The following CSNK1G3 variants were observed in gnomAD, a reference collection of about 807,000 sequenced individuals.
The protein encoded by CSNK1G3 is casein kinase I isoform gamma-3.
In CSNK1G3, 23 loss-of-function variants were observed where a neutral mutation model predicts 64.3. The ratio of observed to expected loss-of-function variants is 0.36; its 90% CI spans 0.26 to 0.51. CSNK1G3 has a LOEUF of 0.51. CSNK1G3 is among the 20% of genes least tolerant of loss of function. The pLI, the probability that CSNK1G3 is intolerant of heterozygous loss-of-function variation, is 0.96. For missense variants in CSNK1G3, 357 were observed against 510.5 expected (o/e 0.70, Z 2.90); for synonymous variants, 158 against 162.2 (o/e 0.97, Z 0.20).
intron 1 of CSNK1G3, among the ~76,000 whole-genome samples, chr5:123,530,236 A>G (rs1779710892): frequency 6.6e-6 from 1 of 152,192 alleles, no homozygotes; most frequent in African/African-American, 2.4e-5. Flanking sequence ...AGGACCTATG[A>G]AACGGTCGTA....
Position 123,587,032 on chromosome 5 carries a change from C to G in CSNK1G3, c.674-1036C>G, listed in dbSNP as rs147979967. The stretch of plus-strand genomic sequence containing the variant: ...AGAAAAGCATGGGAAAGACCTGCCC[C>G]CATGATTCAATTACCTCCCACTGAG... On this transcript the variant is annotated intron_variant, in intron 6 of 12. Coordinates refer to ENST00000345990, the Ensembl canonical transcript of CSNK1G3. Among the ~76,000 whole-genome samples the G allele has an allele frequency of 3.8e-3, 574 of 152,218 alleles. 3 individuals are homozygous for G. The highest frequency in any genetic ancestry group is 0.013 in the African/African-American group (527 of 41,528).
intron 2 of CSNK1G3, chr5:123,546,103 G>A: frequency 2.7e-6 from 1 of 374,092 alleles, no homozygotes; most frequent in Non-Finnish European, 4.9e-6. Flanking sequence ...AAATAGCCCA[G>A]TAGGCTGAAA....
chr5:123,580,340 T>C (rs1790005392), intron 6 of CSNK1G3, among the ~76,000 whole-genome samples: 1 of 151,968 alleles, frequency 6.6e-6, no homozygotes, highest in South Asian at 2.1e-4. Flanking sequence ...ACTGACACTA[T>C]CTTAGACTTA....
chr5:123,600,714 A>G (rs1170145025), intron 10 of CSNK1G3, among the ~76,000 whole-genome samples: 1 of 152,072 alleles, frequency 6.6e-6, no homozygotes, highest in African/African-American at 2.4e-5. Flanking sequence ...ACATTAATTG[A>G]TTTTAAAAAT....
intron 6 of CSNK1G3, among the ~76,000 whole-genome samples, chr5:123,582,589 T>G (rs1338540338): frequency 6.6e-6 from 1 of 152,220 alleles, no homozygotes; most frequent in East Asian, 1.9e-4. Context: ...TAATCTTTAA[T>G]GATACCTATT....
chr5:123,584,930 T>C (rs1369818757), intron 6 of CSNK1G3, among the ~76,000 whole-genome samples: 1 of 152,176 alleles, frequency 6.6e-6, no homozygotes, highest in Non-Finnish European at 1.5e-5. Context: ...CTTCTGTTTC[T>C]TCTGTTATTG....
At chr5:123,579,296 T>G (rs1227839232) in intron 6 of CSNK1G3, among the ~76,000 whole-genome samples, 3 of 151,784 alleles carry the variant, frequency 2.0e-5, no homozygotes, top group African/African-American at 2.4e-5. Flanking sequence ...TTGCTGTTTT[T>G]TTTTTTTTTT....
At chr5:123,572,449 G>C (rs1453869946) in intron 4 of CSNK1G3, among the ~76,000 whole-genome samples, 2 of 152,026 alleles carry the variant, frequency 1.3e-5, no homozygotes, top group Non-Finnish European at 2.9e-5. Context: ...TCTCTTACTG[G>C]CTTAAGATGA....
intron 10 of CSNK1G3, among the ~76,000 whole-genome samples, chr5:123,596,060 C>T (rs1337631896): frequency 3.3e-5 from 5 of 151,840 alleles, no homozygotes; most frequent in Non-Finnish European, 5.9e-5. Context: ...ATTTAATCAA[C>T]TGATTCTGTA....
At chr5:123,581,071 C>T (rs1330213964) in intron 6 of CSNK1G3, among the ~76,000 whole-genome samples, 1 of 151,852 alleles carries the variant, frequency 6.6e-6, no homozygotes, top group African/African-American at 2.4e-5. Context: ...GAGGCCTGCT[C>T]TTTAAGCTGC....
chr5:123,597,224 T>C (rs113226465), intron 10 of CSNK1G3, among the ~76,000 whole-genome samples: 1 of 152,126 alleles, frequency 6.6e-6, no homozygotes, highest in African/African-American at 2.4e-5. Context: ...TGTGCAATGG[T>C]CATTAAATCA....
chr5:123,610,575 A>G (rs1561634828), intron 12 of CSNK1G3, among the ~76,000 whole-genome samples: 1 of 152,172 alleles, frequency 6.6e-6, no homozygotes, highest in Non-Finnish European at 1.5e-5. Flanking sequence ...TGTCAATAGC[A>G]CAAGCCTGTA....
intron 1 of CSNK1G3, among the ~76,000 whole-genome samples, chr5:123,526,782 A>G (rs747284114): frequency 2.6e-5 from 4 of 151,736 alleles, no homozygotes; most frequent in Admixed American, 2.6e-4. Context: ...CATTGTATGG[A>G]TGTACCTCAC....
intron 1 of CSNK1G3, among the ~76,000 whole-genome samples, chr5:123,533,686 T>G (rs1463808319): frequency 6.6e-6 from 1 of 151,864 alleles, no homozygotes; most frequent in Non-Finnish European, 1.5e-5. Flanking sequence ...CATTATTTTC[T>G]TATATATTTA....
intron 6 of CSNK1G3, among the ~76,000 whole-genome samples, chr5:123,578,794 G>T (rs1356611013): frequency 4.6e-5 from 7 of 151,822 alleles, no homozygotes; most frequent in African/African-American, 2.4e-5. Flanking sequence ...TTTATATGGT[G>T]TGAGATAGGG....
At chr5:123,551,445 C>G (rs1279579612) in intron 2 of CSNK1G3, among the ~76,000 whole-genome samples, 5 of 152,160 alleles carry the variant, frequency 3.3e-5, no homozygotes, top group Non-Finnish European at 7.4e-5. Flanking sequence ...TTTGGAACTT[C>G]TGTTGAGTTC....
intron 1 of CSNK1G3, among the ~76,000 whole-genome samples, chr5:123,535,363 C>CT (rs1234569696): frequency 1.3e-5 from 2 of 151,826 alleles, no homozygotes; most frequent in African/African-American, 2.4e-5. Context: ...AATGTAAAGA[C>CT]TATTCGTAGG....
intron 6 of CSNK1G3, among the ~76,000 whole-genome samples, chr5:123,580,425 A>G (rs1790018503): frequency 6.6e-6 from 1 of 152,002 alleles, no homozygotes; most frequent in African/African-American, 2.4e-5. Context: ...TTAACATTTT[A>G]TTCTTGTAGT....
At position 123,542,051 on chromosome 5, in the gene CSNK1G3, A is replaced by C. The variant is rs920302261; in HGVS notation, c.-247-3366A>C. ...CATTGGCTACCTAGAATGAATGTGG[A>C]ACCACATAATTCTTCACAAATAGAA... On this transcript the variant is annotated intron_variant, in intron 1 of 12. Transcript: ENST00000345990. 1.3e-4 allele frequency among the ~76,000 whole-genome samples: 20 copies of C among 152,084 alleles called. 1 individual carries two copies.
Sources: allele counts gnomAD v4.1 joint callset (sites outside exome capture counted in the v4.1 genomes callset), GRCh38; gene constraint gnomAD v4.1.1; transcripts MANE v1.5; gene names NCBI Gene and HGNC (gene_info 2026-07-23, HGNC 2026-07-21).